Variants in VAT1L observed in about 807,000 individuals in gnomAD.
VAT1L encodes the protein vesicle amine transport 1 like.
VAT1L carries 34 observed loss-of-function variants against 44.1 expected under a neutral mutation model. The observed-to-expected ratio is 0.77, with a 90% confidence interval of 0.59 to 1.03. The LOEUF is 1.03. Among genes scored for constraint, VAT1L ranks in the 50% least tolerant of loss-of-function variants. The pLI, the probability that VAT1L is intolerant of heterozygous loss-of-function variation, is 0.00. For missense variants in VAT1L, 615 were observed against 538.8 expected (o/e 1.14, Z -1.40); for synonymous variants, 253 against 202.2 (o/e 1.25, Z -2.13).
At chr16:77,829,548 G>A (rs1157974924) in intron 3 of VAT1L, among the ~76,000 whole-genome samples, 1 of 152,198 alleles carries the variant, frequency 6.6e-6, no homozygotes, top group Non-Finnish European at 1.5e-5. Context: ...ATATCTTTGA[G>A]GACATTGTTT....
chr16:77,870,642 T>A (rs538248846), intron 4 of VAT1L, among the ~76,000 whole-genome samples: 85 of 152,288 alleles, frequency 5.6e-4, no homozygotes, highest in Non-Finnish European at 8.5e-4. Flanking sequence ...GCTCATATAA[T>A]CCCCGAGCTG....
chr16:77,919,745 G>T (rs1218894426), intron 7 of VAT1L, among the ~76,000 whole-genome samples: 1 of 152,186 alleles, frequency 6.6e-6, no homozygotes, highest in Non-Finnish European at 1.5e-5. Context: ...CACAGAGCAA[G>T]AGATACCTAT....
intron 7 of VAT1L, among the ~76,000 whole-genome samples, chr16:77,968,087 T>C (rs1425101991): frequency 6.6e-6 from 1 of 152,170 alleles, no homozygotes; most frequent in Non-Finnish European, 1.5e-5. Context: ...AAGAATATAT[T>C]ATCTATTATT....
chr16:77,827,970 T>C (rs998095910), intron 3 of VAT1L, among the ~76,000 whole-genome samples: 3 of 152,174 alleles, frequency 2.0e-5, no homozygotes, highest in East Asian at 3.9e-4. Context: ...TGTGGTCTGG[T>C]TTAATCTTCA....
At chr16:77,805,877 T>TTTTTTTTG (rs1202608903) in intron 1 of VAT1L, among the ~76,000 whole-genome samples, 4 of 141,324 alleles carry the variant, frequency 2.8e-5, no homozygotes, top group Non-Finnish European at 6.2e-5. Flanking sequence ...TTTTTTTTTT[T>TTTTTTTTG]TTTGAGATGG....
intron 7 of VAT1L, among the ~76,000 whole-genome samples, chr16:77,943,357 C>G (rs975682264): frequency 1.3e-5 from 2 of 150,922 alleles, no homozygotes; most frequent in African/African-American, 4.9e-5. Flanking sequence ...AACCACCGCA[C>G]TTGGCCTATT....
intron 4 of VAT1L, among the ~76,000 whole-genome samples, 185 bp from the exon 5 acceptor site, chr16:77,876,185 A>G (rs144923896): frequency 6.3e-4 from 96 of 152,174 alleles, no homozygotes; most frequent in East Asian, 4.6e-3. Flanking sequence ...GTTTTGTGAA[A>G]TTTTTATCAC....
intron 7 of VAT1L, among the ~76,000 whole-genome samples, chr16:77,961,639 A>G (rs1164308225): frequency 1.3e-5 from 2 of 152,160 alleles, no homozygotes; most frequent in African/African-American, 4.8e-5. Flanking sequence ...CTTAAGCCCC[A>G]TACCCAGGAA....
rs1012611882 is a variant in VAT1L at position 77,979,850 on chromosome 16, G to A, written c.*2155G>A. ...TGCCATGAAGAACCGGGGGACGCAA[G>A]TTAATTGTTTAACGTACTCTCATTT... On this transcript the variant is annotated 3_prime_UTR_variant, in exon 9 of 9. Coordinates refer to ENST00000302536, the MANE Select transcript of VAT1L (RefSeq NM_020927.3). 14 of 152,754 alleles carry A rather than the reference G, an allele frequency of 9.2e-5. No individual in the cohort carries two copies. The highest frequency in any genetic ancestry group is 3.4e-3 in the Middle Eastern group (1 of 294). 9.5% of individuals were successfully genotyped at this position (152,754 alleles called of 1,614,324 possible).
chr16:77,958,210 T>C (rs1022020506), intron 7 of VAT1L, among the ~76,000 whole-genome samples: 5 of 152,122 alleles, frequency 3.3e-5, no homozygotes, highest in African/African-American at 1.2e-4. Flanking sequence ...CCTGGCCTTC[T>C]TGGGTTATTT....
intron 1 of VAT1L, among the ~76,000 whole-genome samples, chr16:77,810,943 A>C (rs888891853): frequency 2.6e-5 from 4 of 152,198 alleles, no homozygotes; most frequent in African/African-American, 9.6e-5. Context: ...GCACCAACCT[A>C]ATAAAACAAT....
intron 3 of VAT1L, among the ~76,000 whole-genome samples, chr16:77,833,478 C>G (rs753270788): frequency 1.3e-5 from 2 of 152,160 alleles, no homozygotes; most frequent in African/African-American, 4.8e-5. Flanking sequence ...GTGGGCTGGG[C>G]GTGGTGGCTT....
At chr16:77,808,642 C>A (rs2914447) in intron 1 of VAT1L, among the ~76,000 whole-genome samples, 74,717 of 151,832 alleles carry the variant, frequency 0.49, 20,164 homozygotes, top group South Asian at 0.6. Context: ...GTTGCCCAGG[C>A]TGGAGTGCAA....
At chr16:77,915,067 G>A (rs752407389) in intron 7 of VAT1L, among the ~76,000 whole-genome samples, 4 of 152,144 alleles carry the variant, frequency 2.6e-5, no homozygotes, top group East Asian at 1.9e-4. Flanking sequence ...GGAGGTTGCG[G>A]TGAGCCGAGA....
chr16:77,811,002 C>T (rs1159313650), intron 1 of VAT1L, among the ~76,000 whole-genome samples: 1 of 152,130 alleles, frequency 6.6e-6, no homozygotes, highest in Non-Finnish European at 1.5e-5. Flanking sequence ...GAACTAATGA[C>T]AGAACAAGAC....
chr16:77,801,787 A>T (rs975997364), intron 1 of VAT1L: 4 of 151,544 alleles, frequency 2.6e-5, no homozygotes, highest in African/African-American at 9.7e-5. Context: ...CGCTACGCCT[A>T]GTTCAATCAG....
In VAT1L at chr16:77,816,763, A is replaced by C. The variant is rs560978596; in HGVS notation, c.234-158A>C. ...TGACATCTAGCTAAGCGGCATTACT[A>C]TTAGGGATACTTTGCCAAAAAGAAA... On this transcript the variant is annotated intron_variant, in intron 1 of 8. Transcript: ENST00000302536. Among the ~76,000 whole-genome samples the C allele has an allele frequency of 1.4e-3, 215 of 152,002 alleles. 2 individuals carry two copies. Among genetic ancestry groups the C allele is most frequent in the Admixed American group, 2.7e-3 (41 of 15,280 alleles).
intron 3 of VAT1L, among the ~76,000 whole-genome samples, chr16:77,834,702 A>T (rs902393435): frequency 6.6e-6 from 1 of 152,098 alleles, no homozygotes; most frequent in Admixed American, 6.5e-5. Flanking sequence ...AGCTTCTCTT[A>T]TCTTAAATCA....
chr16:77,956,496 G>C (rs1179260813), intron 7 of VAT1L, among the ~76,000 whole-genome samples: 2 of 152,180 alleles, frequency 1.3e-5, no homozygotes, highest in Non-Finnish European at 1.5e-5. Context: ...CTGCCGCAAT[G>C]ATCATGAGCA....
Sources: gnomAD v4.1 joint callset for allele counts (sites outside exome capture counted in the v4.1 genomes callset) on GRCh38, gnomAD v4.1.1 for gene constraint, MANE v1.5 for transcripts, NCBI Gene and HGNC (gene_info 2026-07-23, HGNC 2026-07-21) for gene names.